ANKFN1: variants seen among roughly 807,000 people sequenced by gnomAD.
ANKFN1 encodes the protein ankyrin repeat and fibronectin type-III domain-containing protein 1.
In ANKFN1, 74 loss-of-function variants were observed where a neutral mutation model predicts 108.7. The observed-to-expected ratio is 0.68, with a 90% CI of 0.56 to 0.83. The LOEUF (loss-of-function observed/expected upper bound fraction) is 0.83. Ranked by LOEUF, ANKFN1 falls within the 40% of genes least tolerant of loss-of-function variation. The pLI, the probability that ANKFN1 is intolerant of heterozygous loss-of-function variation, is 0.00. For missense variants in ANKFN1, 1,505 were observed against 1,382.3 expected (o/e 1.09, Z -1.41); for synonymous variants, 547 against 516.2 (o/e 1.06, Z -0.81).
chr17:56,056,828 AT>A (rs1353086636), intron 4 of ANKFN1, among the ~76,000 whole-genome samples: 1 of 152,210 alleles, frequency 6.6e-6, no homozygotes, highest in Non-Finnish European at 1.5e-5. Context: ...TAAATTGGCA[AT>A]TTTAAAAAAT....
chr17:56,413,512 G>A (rs2048155975), intron 8 of ANKFN1, among the ~76,000 whole-genome samples: 1 of 152,098 alleles, frequency 6.6e-6, no homozygotes, highest in South Asian at 2.1e-4. Context: ...AGTTTTCAAG[G>A]GGAATGCTTC....
chr17:56,124,200 T>G lies in ANKFN1; in HGVS notation c.288+77875T>G, dbSNP rs181531958. Among the ~76,000 whole-genome samples the G allele has an allele frequency of 1.2e-3, 189 of 152,348 alleles. 1 individual carries two copies. Among genetic ancestry groups the G allele is most frequent in the African/African-American group, 4.4e-3 (184 of 41,586 alleles). On this transcript the variant is annotated intron_variant, in intron 4 of 12. Coordinates refer to the ANKFN1 transcript ENST00000635860. ...CAAATTTACAAACATTTTGCTGGTC[T>G]GTGAACCACACTCTAAATTCTACAT... is the stretch of plus-strand genomic sequence containing the variant.
intron 4 of ANKFN1, among the ~76,000 whole-genome samples, chr17:56,103,812 C>A (rs1905692932): frequency 6.6e-6 from 1 of 152,148 alleles, no homozygotes; most frequent in African/African-American, 2.4e-5. Flanking sequence ...CAGGGCCCAT[C>A]CAGGAAGCAG....
chr17:56,397,286 A>G (rs1473298031), intron 8 of ANKFN1, among the ~76,000 whole-genome samples: 1 of 152,168 alleles, frequency 6.6e-6, no homozygotes, highest in African/African-American at 2.4e-5. Context: ...ACCGCATCTA[A>G]ATAAATAGGT....
chr17:56,292,556 G>A (rs902195694), intron 3 of ANKFN1, among the ~76,000 whole-genome samples: 1 of 152,196 alleles, frequency 6.6e-6, no homozygotes, highest in Non-Finnish European at 1.5e-5. Flanking sequence ...AGGCACAGAT[G>A]TCAGTATGCA....
chr17:56,384,579 C>T (rs1320136722), intron 8 of ANKFN1, among the ~76,000 whole-genome samples: 1 of 152,194 alleles, frequency 6.6e-6, no homozygotes, highest in African/African-American at 2.4e-5. Flanking sequence ...TAGAAAACCC[C>T]ATTGTCTCAG....
chr17:56,172,702 G>A (rs917427880), intron 1 of ANKFN1, among the ~76,000 whole-genome samples: 11 of 152,200 alleles, frequency 7.2e-5, no homozygotes, highest in Admixed American at 2.0e-4. Flanking sequence ...GCTGAAACAA[G>A]CTGTTTGGCC....
chr17:56,199,940 A>G (rs911888950), intron 1 of ANKFN1, among the ~76,000 whole-genome samples: 4 of 152,156 alleles, frequency 2.6e-5, no homozygotes, highest in East Asian at 3.9e-4. Flanking sequence ...ACACATCTCT[A>G]TGCACATTTG....
chr17:56,260,834 T>C (rs913131490), intron 3 of ANKFN1, among the ~76,000 whole-genome samples: 1 of 152,214 alleles, frequency 6.6e-6, no homozygotes, highest in Non-Finnish European at 1.5e-5. Flanking sequence ...TGTCACCTGC[T>C]TAGTGCCTGG....
In ANKFN1 at chr17:56,414,934, C is replaced by A. The variant is rs146998146; in HGVS notation, c.911-25393C>A. On this transcript the variant is annotated intron_variant, in intron 8 of 20. Coordinates refer to ENST00000682825, the MANE Select transcript of ANKFN1 (RefSeq NM_001370326.1). ...ACTCTGGGGTCTGAGATGGGAGGAT[C>A]ACTTGCACTTGGGAGGCAGAGGTTG... 1.8e-3 allele frequency among the ~76,000 whole-genome samples: 276 copies of A among 152,088 alleles called. 1 individual carries two copies. Among genetic ancestry groups the A allele is most frequent in the African/African-American group, 6.2e-3 (256 of 41,490 alleles).
intron 2 of ANKFN1, among the ~76,000 whole-genome samples, chr17:56,216,239 GT>G (rs1337378166): frequency 6.6e-6 from 1 of 152,200 alleles, no homozygotes; most frequent in Non-Finnish European, 1.5e-5. Flanking sequence ...ATCCACAGCA[GT>G]TTTGAAAGCG....
chr17:56,300,854 T>G (rs1217036233), intron 3 of ANKFN1, among the ~76,000 whole-genome samples: 3 of 152,186 alleles, frequency 2.0e-5, no homozygotes, highest in Non-Finnish European at 4.4e-5. Context: ...TACTGAGAGA[T>G]CTGTTCCATG....
At chr17:56,154,133 G>A (rs1412858979) in intron 1 of ANKFN1, among the ~76,000 whole-genome samples, 2 of 152,032 alleles carry the variant, frequency 1.3e-5, no homozygotes, top group African/African-American at 2.4e-5. Context: ...CGGTGGTATC[G>A]GAATCCCTGT....
intron 1 of ANKFN1, among the ~76,000 whole-genome samples, chr17:56,208,941 G>C (rs751330908): frequency 2.0e-5 from 3 of 151,698 alleles, no homozygotes; most frequent in Non-Finnish European, 4.4e-5. Context: ...AGAGTAGCAC[G>C]ATCTCAGCTA....
At chr17:56,148,993 G>A (rs1908433794), upstream of ANKFN1, among the ~76,000 whole-genome samples, 1 of 152,160 alleles carries the variant, frequency 6.6e-6, no homozygotes, top group South Asian at 2.1e-4. Flanking sequence ...GGCAAGAGAG[G>A]TTATATAATT....
intron 3 of ANKFN1, among the ~76,000 whole-genome samples, chr17:56,251,178 T>G (rs9911190): frequency 0.059 from 8,999 of 152,052 alleles, 361 homozygotes; most frequent in African/African-American, 0.11. Flanking sequence ...ATCATTTGAG[T>G]CCAGGAGTTC....
chr17:56,308,407 G>A (rs1362841196), intron 3 of ANKFN1, among the ~76,000 whole-genome samples: 1 of 151,976 alleles, frequency 6.6e-6, no homozygotes, highest in Non-Finnish European at 1.5e-5. Flanking sequence ...CTCGTATCTT[G>A]TGACCTTGCT....
chr17:56,289,167 A>G (rs2044295656), intron 3 of ANKFN1, among the ~76,000 whole-genome samples: 2 of 152,184 alleles, frequency 1.3e-5, no homozygotes, highest in South Asian at 4.1e-4. Context: ...AGGCAGTCTG[A>G]TATTTGCCAT....
Position 56,511,382 on chromosome 17 carries a change from T to C in ANKFN1, c.*113T>C, listed in dbSNP as rs945270319. 36 of 1,172,676 alleles carry C rather than the reference T, an allele frequency of 3.1e-5. 1 individual carries two copies. Among genetic ancestry groups the C allele is most frequent in the South Asian group, 1.1e-4 (7 of 61,776 alleles). 72.6% of individuals were successfully genotyped at this position (1,172,676 alleles called of 1,614,324 possible). A position where few individuals can be genotyped will look rare whatever the true frequency, so the allele number is the denominator to read the frequency against. On this transcript the variant is annotated 3_prime_UTR_variant, in exon 21 of 21. Coordinates refer to ENST00000682825, the MANE Select transcript of ANKFN1 (RefSeq NM_001370326.1). ...ACTCATTTTCAAGCGTTTTGAATGTTATAAATACAAAGGTTACAAGTTCAA... is the reference window on the plus strand; with the variant it reads ...ACTCATTTTCAAGCGTTTTGAATGTCATAAATACAAAGGTTACAAGTTCAA...
Sources: allele counts gnomAD v4.1 joint callset (sites outside exome capture counted in the v4.1 genomes callset), GRCh38; gene constraint gnomAD v4.1.1; transcripts MANE v1.5; gene names NCBI Gene and HGNC (gene_info 2026-07-23, HGNC 2026-07-21).